The following MAGT1 variants were observed in gnomAD, a reference collection of about 807,000 sequenced individuals.
MAGT1 encodes the protein dolichyl-diphosphooligosaccharide--protein glycosyltransferase subunit MAGT1.
In MAGT1, 4 loss-of-function variants were observed where a neutral mutation model predicts 28.4. That is an observed-to-expected ratio of 0.14 (90% CI 0.07 to 0.32). The LOEUF is 0.32. MAGT1 is among the 10% of genes least tolerant of loss of function. The probability of loss-of-function intolerance (pLI) is 1.00; values close to 1 mark genes in which losing one functional copy is unlikely to be tolerated. For synonymous variants in MAGT1, 89 were observed against 89.7 expected (o/e 0.99, Z 0.04); for missense variants, 193 against 264.5 (o/e 0.73, Z 1.88).
In MAGT1 at chrX:77,829,228, T is replaced by A; in HGVS notation, c.1000A>T (p.Met334Leu). 1.7e-6 allele frequency: 2 copies of A among 1,199,050 alleles called. No individual in the cohort carries two copies. The highest frequency in any genetic ancestry group is 1.8e-5 in the South Asian group (1 of 56,417). ...KYHGYPYSFLMS is the reference protein window; with the variant it reads ...KYHGYPYSFLLS The stretch of plus-strand genomic sequence containing the variant: ...ATATCTCTGGGACCTTTTTAACTCA[T>A]CAGAAAGCTGAAACAAAAATATATT... Residue 334 changes from methionine (M) to leucine (L), a missense_variant, in exon 10 of 10, where the codon ATG becomes TTG. Physicochemically the swap from Met to Leu is conservative, Grantham distance 15 (BLOSUM62 2). Transcript: ENST00000618282.
At chrX:77,831,219 T>C (rs1283082056) in intron 8 of MAGT1, among the ~76,000 whole-genome samples, 3 of 109,961 alleles carry the variant, frequency 2.7e-5, no homozygotes, top group Non-Finnish European at 5.7e-5. Flanking sequence ...GGGTTTCACC[T>C]TGTTGGCCAG....
At chrX:77,886,921 C>A (rs2077069650) in intron 1 of MAGT1, among the ~76,000 whole-genome samples, 1 of 111,496 alleles carries the variant, frequency 9.0e-6, no homozygotes, top group Non-Finnish European at 1.9e-5. Context: ...AAAAAGCATG[C>A]CATTTCTAAT....
At chrX:77,862,834 C>T (rs1436803296) in intron 3 of MAGT1, among the ~76,000 whole-genome samples, 3 of 111,262 alleles carry the variant, frequency 2.7e-5, no homozygotes, top group Non-Finnish European at 3.8e-5. Flanking sequence ...TTACCTTAAA[C>T]GAACAAACAA....
rs1484001482 is a variant in MAGT1 at position 77,829,117 on chromosome X, G to A, written c.*103C>T. 1.5e-6 allele frequency: 1 copy of A among 656,382 alleles called. No homozygotes were observed. The highest frequency in any genetic ancestry group is 2.5e-6 in the Non-Finnish European group (1 of 405,254). The allele number at this position is 656,382 out of a possible 1,213,427, so 54.1% of individuals were successfully genotyped here. A position where few individuals can be genotyped will look rare whatever the true frequency, so the allele number is the denominator to read the frequency against. ...AACTATTTAAATCACTTGAAAAAAA[G>A]AGGTAATACAAAATATACAAGTTGC... is the stretch of plus-strand genomic sequence containing the variant. On this transcript the variant is annotated 3_prime_UTR_variant, in exon 10 of 10. Transcript: ENST00000618282.
chrX:77,877,304 C>G (rs1252527517), intron 1 of MAGT1, among the ~76,000 whole-genome samples: 1 of 108,272 alleles, frequency 9.2e-6, no homozygotes, highest in Non-Finnish European at 1.9e-5. Flanking sequence ...CCAGCCTGGC[C>G]AAAATGGCGA....
intron 1 of MAGT1, among the ~76,000 whole-genome samples, chrX:77,881,409 T>TC (rs1298454765): frequency 1.6e-5 from 1 of 64,485 alleles, no homozygotes; most frequent in Non-Finnish European, 2.9e-5. Flanking sequence ...ATGCTATCCC[T>TC]CCCCCTCCCC....
chrX:77,864,391 A>G (rs1557216708), intron 3 of MAGT1, among the ~76,000 whole-genome samples: 1 of 111,214 alleles, frequency 9.0e-6, no homozygotes, highest in Non-Finnish European at 1.9e-5. Flanking sequence ...AATTAACAAA[A>G]ATGTATTACA....
chrX:77,856,223 G>T (rs1198532472), intron 5 of MAGT1, among the ~76,000 whole-genome samples: 4 of 110,247 alleles, frequency 3.6e-5, no homozygotes, highest in Non-Finnish European at 7.6e-5. Context: ...GTCACCTGAG[G>T]TCAGGAGTTC....
At chrX:77,851,307 C>T (rs1557215496) in intron 7 of MAGT1, among the ~76,000 whole-genome samples, 1 of 110,861 alleles carries the variant, frequency 9.0e-6, no homozygotes, top group Non-Finnish European at 1.9e-5. Context: ...CCTCTACCTC[C>T]TGGGTTCAAG....
upstream of MAGT1, chrX:77,895,463 G>A (rs782453396): frequency 4.1e-5 from 49 of 1,191,608 alleles, no homozygotes; most frequent in South Asian, 8.8e-4. Context: ...AGGTCTGAGG[G>A]TGGGGCGTGA....
At chrX:77,843,390 C>T (rs782351988) in intron 7 of MAGT1, among the ~76,000 whole-genome samples, 1 of 111,077 alleles carries the variant, frequency 9.0e-6, no homozygotes, top group African/African-American at 3.3e-5. Flanking sequence ...GTGCATACCA[C>T]GCCACGTTCG....
At chrX:77,890,010 C>G (rs974019620) in intron 1 of MAGT1, among the ~76,000 whole-genome samples, 1 of 112,165 alleles carries the variant, frequency 8.9e-6, no homozygotes, top group Non-Finnish European at 1.9e-5. Context: ...AGCTCCCACA[C>G]GTAAGTGAGG....
At chrX:77,841,679 C>CT (rs1159254108) in intron 7 of MAGT1, among the ~76,000 whole-genome samples, 54 of 98,207 alleles carry the variant, frequency 5.5e-4, no homozygotes, top group East Asian at 6.2e-4. Context: ...TATTAAATGG[C>CT]TTTTTTTTTT....
chrX:77,847,907 C>T lies in MAGT1; in HGVS notation c.826+5994G>A, dbSNP rs782082085. On this transcript the variant is annotated intron_variant, in intron 7 of 9. Transcript: ENST00000618282. Reference sequence around the variant, plus strand: ...GGTTACAGGCATGAGCCACCATGCCCGGCCAAAGATTGATCATTTCTACAG... The same window carrying T: ...GGTTACAGGCATGAGCCACCATGCCTGGCCAAAGATTGATCATTTCTACAG... Among the ~76,000 whole-genome samples the T allele has an allele frequency of 9.0e-5, 10 of 111,297 alleles. No individual in the cohort carries two copies. In the South Asian group the frequency reaches 3.0e-3, roughly 34 times the overall value.
At chrX:77,831,599 T>C (rs1470942291) in intron 8 of MAGT1, among the ~76,000 whole-genome samples, 2 of 107,712 alleles carry the variant, frequency 1.9e-5, no homozygotes, top group African/African-American at 3.4e-5. Flanking sequence ...GTTTTCTTTT[T>C]TTTTTTTTTT....
At chrX:77,881,015 A>C (rs2077050723) in intron 1 of MAGT1, among the ~76,000 whole-genome samples, 1 of 109,254 alleles carries the variant, frequency 9.2e-6, no homozygotes, top group Admixed American at 1.0e-4. Context: ...ATAATTAACA[A>C]GACTGCGGAA....
chrX:77,835,580 C>T (rs73627474), intron 8 of MAGT1, among the ~76,000 whole-genome samples: 2,509 of 111,594 alleles, frequency 0.022, 70 homozygotes, highest in African/African-American at 0.078. Context: ...AGCAATCCCA[C>T]TGCTTGGGTA....
chrX:77,835,289 A>G (rs1557213807), intron 8 of MAGT1, among the ~76,000 whole-genome samples: 1 of 111,674 alleles, frequency 9.0e-6, no homozygotes, highest in Non-Finnish European at 1.9e-5. Flanking sequence ...TTCTCAAAAG[A>G]AGACATACAA....
intron 1 of MAGT1, among the ~76,000 whole-genome samples, chrX:77,883,026 T>C (rs2149027989): frequency 9.9e-6 from 1 of 101,093 alleles, no homozygotes; most frequent in African/African-American, 3.5e-5. Flanking sequence ...AAATTATATA[T>C]TTGTTATTTA....
Sources: gnomAD v4.1 joint callset for allele counts (sites outside exome capture counted in the v4.1 genomes callset) on GRCh38, gnomAD v4.1.1 for gene constraint, MANE v1.5 for transcripts, NCBI Gene and HGNC (gene_info 2026-07-23, HGNC 2026-07-21) for gene names.